Variants in DGKB observed in about 807,000 individuals in gnomAD.
DGKB encodes 90 kDa diacylglycerol kinase.
DGKB carries 67 observed loss-of-function variants against 114.3 expected under a neutral mutation model. The ratio of observed to expected loss-of-function variants is 0.59; its 90% confidence interval spans 0.48 to 0.72. The LOEUF is 0.72. Among genes scored for constraint, DGKB ranks in the 30% least tolerant of loss-of-function variants. DGKB has a pLI of 0.00. For synonymous variants in DGKB, 398 were observed against 323.1 expected (o/e 1.23, Z -2.49); for missense variants, 907 against 975.2 (o/e 0.93, Z 0.93).
intron 1 of DGKB, among the ~76,000 whole-genome samples, chr7:14,848,822 T>TC (rs1848976898): frequency 6.6e-6 from 1 of 152,108 alleles, no homozygotes; most frequent in South Asian, 2.1e-4. Context: ...GTTCCAGAGC[T>TC]CCCCAATGGG....
At chr7:14,258,005 G>C (rs914652111) in intron 23 of DGKB, among the ~76,000 whole-genome samples, 5 of 152,196 alleles carry the variant, frequency 3.3e-5, no homozygotes, top group African/African-American at 1.2e-4. Flanking sequence ...TGGGATTGCA[G>C]GCGTGAGCCA....
intron 2 of DGKB, among the ~76,000 whole-genome samples, chr7:14,804,067 T>TGGGGGG (rs57126337): frequency 8.2e-5 from 10 of 122,398 alleles, no homozygotes; most frequent in African/African-American, 3.6e-4. Context: ...ACTTCACTTT[T>TGGGGGG]TGGGTGTGTG....
intron 17 of DGKB, among the ~76,000 whole-genome samples, chr7:14,596,829 C>G (rs1301894955): frequency 2.0e-5 from 3 of 152,178 alleles, no homozygotes; most frequent in Non-Finnish European, 4.4e-5. Flanking sequence ...ATTTGCCTCT[C>G]TATGCATTAC....
intron 21 of DGKB, among the ~76,000 whole-genome samples, chr7:14,463,649 T>G (rs566476608): frequency 6.6e-6 from 1 of 152,310 alleles, no homozygotes; most frequent in African/African-American, 2.4e-5. Flanking sequence ...AAGTCTTTTC[T>G]GGAACATATT....
At chr7:14,867,438 T>C (rs1654969120) in intron 1 of DGKB, among the ~76,000 whole-genome samples, 1 of 152,116 alleles carries the variant, frequency 6.6e-6, no homozygotes, top group Non-Finnish European at 1.5e-5. Flanking sequence ...ATTCTGTTTT[T>C]TTTTTTAAAT....
At chr7:14,261,704 G>A (rs1230860947) in intron 23 of DGKB, among the ~76,000 whole-genome samples, 1 of 152,128 alleles carries the variant, frequency 6.6e-6, no homozygotes, top group Non-Finnish European at 1.5e-5. Flanking sequence ...CAAAAACATA[G>A]TTTATATAGA....
chr7:14,789,374 T>C (rs754201674), intron 2 of DGKB, among the ~76,000 whole-genome samples: 2 of 152,132 alleles, frequency 1.3e-5, no homozygotes, highest in Non-Finnish European at 1.5e-5. Flanking sequence ...TATAATTGTG[T>C]CTTTTCAAAA....
chr7:14,508,063 T>A (rs1389038012), intron 20 of DGKB, among the ~76,000 whole-genome samples: 2 of 152,222 alleles, frequency 1.3e-5, no homozygotes, highest in African/African-American at 4.8e-5. Flanking sequence ...AGATGACTTC[T>A]CAATAGACAA....
chr7:14,192,780 G>A (rs1312221426), intron 23 of DGKB, among the ~76,000 whole-genome samples: 1 of 151,874 alleles, frequency 6.6e-6, no homozygotes, highest in Non-Finnish European at 1.5e-5. Flanking sequence ...ATTTCATTAT[G>A]TATTACAATG....
intron 22 of DGKB, among the ~76,000 whole-genome samples, chr7:14,342,635 A>C (rs190840257): frequency 6.6e-5 from 10 of 151,978 alleles, no homozygotes; most frequent in African/African-American, 2.2e-4. Context: ...CATAATTCTT[A>C]TTTCTCTTAA....
At chr7:14,718,493 T>G in intron 6 of DGKB, 49 bp downstream of exon 6, 1 of 1,548,212 alleles carries the variant, frequency 6.5e-7, no homozygotes, top group Non-Finnish European at 8.7e-7. Flanking sequence ...ATCCAGTCCT[T>G]TCTCCTGCCC....
chr7:14,537,790 G>A (rs1414001875), intron 20 of DGKB, among the ~76,000 whole-genome samples: 3 of 152,066 alleles, frequency 2.0e-5, no homozygotes, highest in Non-Finnish European at 4.4e-5. Flanking sequence ...AAATAAATAC[G>A]TGGGACTGGG....
chr7:14,475,303 C>G (rs1782005704), intron 21 of DGKB, among the ~76,000 whole-genome samples: 1 of 152,078 alleles, frequency 6.6e-6, no homozygotes, highest in Admixed American at 6.6e-5. Context: ...ATGTTGAAAT[C>G]TGAACTATCT....
chr7:14,958,994 T>A (rs940525593), intron 1 of DGKB, among the ~76,000 whole-genome samples: 2 of 152,130 alleles, frequency 1.3e-5, no homozygotes, highest in African/African-American at 4.8e-5. Context: ...CTGGAATTCA[T>A]CTCTGTCATT....
chr7:14,784,124 T>C (rs1031592049), intron 2 of DGKB, among the ~76,000 whole-genome samples: 1 of 152,124 alleles, frequency 6.6e-6, no homozygotes, highest in Admixed American at 6.5e-5. Flanking sequence ...TTGAAGTAAA[T>C]ATAATTAGAT....
intron 21 of DGKB, among the ~76,000 whole-genome samples, chr7:14,464,142 T>C (rs1003134877): frequency 6.6e-6 from 1 of 152,100 alleles, no homozygotes; most frequent in South Asian, 2.1e-4. Flanking sequence ...ACTTTAGTTA[T>C]ATTTGAAAAT....
chr7:14,525,788 G>T (rs79808070), intron 20 of DGKB, among the ~76,000 whole-genome samples: 4 of 151,918 alleles, frequency 2.6e-5, no homozygotes, highest in African/African-American at 7.2e-5. Context: ...TTATTTGTTC[G>T]GGTAACTAGA....
chr7:14,755,109 G>A (rs549215962), intron 3 of DGKB, among the ~76,000 whole-genome samples: 1 of 152,104 alleles, frequency 6.6e-6, no homozygotes, highest in East Asian at 1.9e-4. Flanking sequence ...CCTTTGAATG[G>A]TTTTTATTCC....
chr7:14,408,995 A>G (rs1257883496), intron 21 of DGKB, among the ~76,000 whole-genome samples: 1 of 152,198 alleles, frequency 6.6e-6, no homozygotes. Flanking sequence ...AAAAGTGAAA[A>G]TGTATTGAAA....
Sources: allele counts gnomAD v4.1 joint callset (sites outside exome capture counted in the v4.1 genomes callset), GRCh38; gene constraint gnomAD v4.1.1; transcripts MANE v1.5; gene names NCBI Gene and HGNC (gene_info 2026-07-23, HGNC 2026-07-21).